The following AP1S3 variants were observed in gnomAD, a reference collection of about 807,000 sequenced individuals.
AP1S3 encodes AP-1 complex subunit sigma-3.
AP1S3 carries 10 observed loss-of-function variants against 20.9 expected under a neutral mutation model. That is an observed-to-expected ratio of 0.48 (90% CI 0.29 to 0.81). AP1S3 has a LOEUF of 0.81. Among genes scored for constraint, AP1S3 ranks in the 30% least tolerant of loss-of-function variants. AP1S3 has a pLI of 0.08. For synonymous variants in AP1S3, 41 were observed against 61.5 expected, an observed-to-expected ratio of 0.67 and a Z score of 1.56; for missense variants, 154 against 183.8, an observed-to-expected ratio of 0.84 and a Z score of 0.94.
chr2:223,796,676 T>C (rs1691345663), intron 1 of AP1S3, among the ~76,000 whole-genome samples: 1 of 152,162 alleles, frequency 6.6e-6, no homozygotes, highest in Non-Finnish European at 1.5e-5. Flanking sequence ...CCTTTTTCTT[T>C]TCTCGAGATG....
At chr2:223,780,396 G>GTGTT (rs1366817443) in intron 1 of AP1S3, among the ~76,000 whole-genome samples, 1 of 139,740 alleles carries the variant, frequency 7.2e-6, no homozygotes, top group African/African-American at 2.8e-5. Flanking sequence ...GTGTGTGTGT[G>GTGTT]TTTTGTAGAG....
chr2:223,775,660 G>A (rs565244777), intron 3 of AP1S3, among the ~76,000 whole-genome samples: 1 of 152,242 alleles, frequency 6.6e-6, no homozygotes, highest in African/African-American at 2.4e-5. Flanking sequence ...GGGCAACATA[G>A]CAGGACTCCA....
chr2:223,766,559 A>G (rs1031671866), intron 3 of AP1S3, among the ~76,000 whole-genome samples: 2 of 152,216 alleles, frequency 1.3e-5, no homozygotes, highest in Non-Finnish European at 2.9e-5. Context: ...GAAACAACAG[A>G]TGCTGGAGAG....
intron 1 of AP1S3, among the ~76,000 whole-genome samples, chr2:223,824,972 G>A (rs963146766): frequency 1.3e-5 from 2 of 152,056 alleles, no homozygotes; most frequent in Admixed American, 6.6e-5. Flanking sequence ...TACCCGGAGG[G>A]GCAGAGCTGG....
At position 223,784,910 on chromosome 2, in the gene AP1S3, G is replaced by A. The variant is rs540042872; in HGVS notation, c.4-7041C>T. ...GCCCTAAAATGCAGACAAATATTGA[G>A]GCATTAGATGTTTACTACAGTTCTT... On this transcript the variant is annotated intron_variant, in intron 1 of 4. Transcript: ENST00000396654. Among the ~76,000 whole-genome samples, 7 of 152,070 alleles carry A rather than the reference G, an allele frequency of 4.6e-5. No individual in the cohort carries two copies. The East Asian group carries it at 1.3e-3, about 29-fold the overall frequency.
chr2:223,811,973 G>A (rs1403176167), intron 1 of AP1S3, among the ~76,000 whole-genome samples: 1 of 152,172 alleles, frequency 6.6e-6, no homozygotes, highest in Non-Finnish European at 1.5e-5. Flanking sequence ...AGATTAACGT[G>A]AGATGATTCC....
intron 1 of AP1S3, among the ~76,000 whole-genome samples, chr2:223,831,133 GC>G (rs1465664952): frequency 1.3e-5 from 2 of 151,564 alleles, no homozygotes; most frequent in Non-Finnish European, 2.9e-5. Flanking sequence ...TCCAACCCTG[GC>G]CCCTTTCTCT....
chr2:223,827,226 C>T (rs188685709), intron 1 of AP1S3, among the ~76,000 whole-genome samples: 64 of 152,250 alleles, frequency 4.2e-4, no homozygotes, highest in Non-Finnish European at 7.8e-4. Flanking sequence ...GGACTTAGAA[C>T]TGAAGACATG....
At chr2:223,781,727 A>C (rs1690951804) in intron 1 of AP1S3, among the ~76,000 whole-genome samples, 1 of 152,186 alleles carries the variant, frequency 6.6e-6, no homozygotes, top group African/African-American at 2.4e-5. Context: ...TTATAGGAAC[A>C]CAAAGAATAG....
At chr2:223,816,715 G>A (rs913344965) in intron 1 of AP1S3, among the ~76,000 whole-genome samples, 1 of 152,222 alleles carries the variant, frequency 6.6e-6, no homozygotes, top group African/African-American at 2.4e-5. Context: ...CAGTGGGACT[G>A]CTGTTTACCA....
intron 1 of AP1S3, among the ~76,000 whole-genome samples, chr2:223,785,762 G>C (rs1235408129): frequency 6.6e-6 from 1 of 152,158 alleles, no homozygotes; most frequent in African/African-American, 2.4e-5. Flanking sequence ...GTTGGGGAGG[G>C]ATGAATAGGT....
At chr2:223,791,354 C>T (rs1157307737) in intron 1 of AP1S3, among the ~76,000 whole-genome samples, 1 of 152,154 alleles carries the variant, frequency 6.6e-6, no homozygotes, top group Non-Finnish European at 1.5e-5. Flanking sequence ...TTGGCTTCAT[C>T]CCCAGGATGC....
intron 1 of AP1S3, 138 bp from the exon 2 acceptor site, chr2:223,778,007 C>T: frequency 1.5e-6 from 1 of 676,730 alleles, no homozygotes. Flanking sequence ...AGCATGAAAA[C>T]TATCTCATCT....
chr2:223,769,783 G>A lies in AP1S3; in HGVS notation c.292-4433C>T, dbSNP rs372785760. 6.3e-3 allele frequency among the ~76,000 whole-genome samples: 708 copies of A among 112,168 alleles called. 6 individuals are homozygous for A. The highest frequency in any genetic ancestry group is 0.024 in the African/African-American group (673 of 28,396). The allele number at this position is 112,168 out of a possible 152,430, so 73.6% of individuals were successfully genotyped here. Reference sequence around the variant, plus strand: ...TTTTTTGAGACGGAGTCTCCCTGTCGCCCAGGCTGGAGTGCAGTGGCGCGA... The same window carrying A: ...TTTTTTGAGACGGAGTCTCCCTGTCACCCAGGCTGGAGTGCAGTGGCGCGA... On this transcript the variant is annotated intron_variant, in intron 3 of 4. Transcript: ENST00000396654.
intron 1 of AP1S3, among the ~76,000 whole-genome samples, chr2:223,786,058 G>A (rs1691064716): frequency 6.6e-6 from 1 of 152,146 alleles, no homozygotes. Flanking sequence ...ATGTGTTGGG[G>A]CAGGAGGTAT....
At chr2:223,795,755 AATAG>A (rs1448832748) in intron 1 of AP1S3, among the ~76,000 whole-genome samples, 1 of 152,210 alleles carries the variant, frequency 6.6e-6, no homozygotes, top group Non-Finnish European at 1.5e-5. Flanking sequence ...TTATCAACAA[AATAG>A]GAAAAACAAT....
chr2:223,785,072 C>T (rs115276375), intron 1 of AP1S3, among the ~76,000 whole-genome samples: 3,158 of 152,022 alleles, frequency 0.021, 104 homozygotes, highest in African/African-American at 0.071. Flanking sequence ...TGGCCAGGTG[C>T]GCTTAGACCT....
chr2:223,810,098 C>T lies in AP1S3; in HGVS notation c.3+27350G>A, dbSNP rs116746490. On this transcript the variant is annotated intron_variant, in intron 1 of 4. Transcript: ENST00000396654. ...GCTCCATGGGGCAATGATGTTTGTC[C>T]CTCACAGTTATGGGGAGAAGCCTCT... is the stretch of plus-strand genomic sequence containing the variant. Among the ~76,000 whole-genome samples the T allele has an allele frequency of 7.0e-3, 1,064 of 152,122 alleles. 12 individuals carry two copies. The highest frequency in any genetic ancestry group is 0.025 in the African/African-American group (1,028 of 41,496).
intron 4 of AP1S3, 56 bp from the exon 5 acceptor site, chr2:223,758,806 G>T: frequency 6.9e-7 from 1 of 1,459,484 alleles, no homozygotes; most frequent in South Asian, 1.2e-5. Flanking sequence ...GCCTTCCGCA[G>T]ACTGTGAAAT....
Sources: allele counts gnomAD v4.1 joint callset (sites outside exome capture counted in the v4.1 genomes callset), GRCh38; gene constraint gnomAD v4.1.1; transcripts MANE v1.5; gene names NCBI Gene and HGNC (gene_info 2026-07-23, HGNC 2026-07-21).